The following DEPTOR variants were observed in gnomAD, a reference collection of about 807,000 sequenced individuals.
DEPTOR encodes DEP domain-containing mTOR-interacting protein.
In DEPTOR, 41 loss-of-function variants were observed where a neutral mutation model predicts 41.6. The ratio of observed to expected loss-of-function variants is 0.98; its 90% CI spans 0.77 to 1.28. The LOEUF (loss-of-function observed/expected upper bound fraction) is 1.28, where lower values mean the gene tolerates loss of function less well. Ranked by LOEUF, DEPTOR falls within the 50% of genes most tolerant of loss-of-function variation. The pLI is 0.00. For synonymous variants in DEPTOR, 195 were observed against 192.3 expected, an observed-to-expected ratio of 1.01 and a Z score of -0.12; for missense variants, 514 against 527.9, an observed-to-expected ratio of 0.97 and a Z score of 0.26.
At chr8:119,966,303 A>T (rs910117265) in intron 4 of DEPTOR, among the ~76,000 whole-genome samples, 1 of 152,066 alleles carries the variant, frequency 6.6e-6, no homozygotes, top group African/African-American at 2.4e-5. Context: ...CATCTCTACT[A>T]AAAAATACAA....
At chr8:120,022,388 G>A (rs1349820624) in intron 8 of DEPTOR, among the ~76,000 whole-genome samples, 1 of 152,094 alleles carries the variant, frequency 6.6e-6, no homozygotes, top group Non-Finnish European at 1.5e-5. Context: ...CTTTTCCAAA[G>A]CAGATACATG....
chr8:120,046,865 C>T (rs1232876711), intron 8 of DEPTOR, among the ~76,000 whole-genome samples: 7 of 152,082 alleles, frequency 4.6e-5, no homozygotes, highest in African/African-American at 1.7e-4. Context: ...GCCTGTCAGC[C>T]AGGTGTTAGG....
chr8:119,917,577 A>T (rs1827830008), intron 1 of DEPTOR, among the ~76,000 whole-genome samples: 1 of 152,228 alleles, frequency 6.6e-6, no homozygotes, highest in African/African-American at 2.4e-5. Flanking sequence ...ACCCAGGGAA[A>T]GAAAGCACTG....
chr8:119,980,094 T>G lies in DEPTOR; in HGVS notation c.604+14684T>G, dbSNP rs190113544. Among the ~76,000 whole-genome samples, 74 of 151,246 alleles carry G rather than the reference T, an allele frequency of 4.9e-4. 1 individual carries two copies. Among genetic ancestry groups the G allele is most frequent in the Admixed American group, 4.8e-3 (73 of 15,144 alleles). ...CAGCCACCAGACCAGGGCTACCCAATGAAAATATGCTAGGAGCCACCAAGA... is the reference window on the plus strand; with the variant it reads ...CAGCCACCAGACCAGGGCTACCCAAGGAAAATATGCTAGGAGCCACCAAGA... On this transcript the variant is annotated intron_variant, in intron 4 of 8. Transcript: ENST00000286234.
chr8:120,016,570 G>A (rs542752720), intron 8 of DEPTOR, among the ~76,000 whole-genome samples: 1 of 151,750 alleles, frequency 6.6e-6, no homozygotes, highest in South Asian at 2.1e-4. Flanking sequence ...CAAAGTGCTG[G>A]GATTGTAGGT....
chr8:119,880,074 A>G (rs1424611667), intron 1 of DEPTOR, among the ~76,000 whole-genome samples: 2 of 151,784 alleles, frequency 1.3e-5, no homozygotes, highest in Non-Finnish European at 2.9e-5. Flanking sequence ...CCCAGATGGC[A>G]GAGGTTGCAG....
chr8:119,901,460 A>T (rs1380948839), intron 1 of DEPTOR, among the ~76,000 whole-genome samples: 1 of 152,062 alleles, frequency 6.6e-6, no homozygotes, highest in African/African-American at 2.4e-5. Context: ...GCGGATCACG[A>T]GATCAGGAGA....
intron 3 of DEPTOR, among the ~76,000 whole-genome samples, chr8:119,961,474 G>A (rs1188763698): frequency 1.3e-5 from 2 of 151,232 alleles, no homozygotes; most frequent in Non-Finnish European, 2.9e-5. Context: ...GTGACTCACT[G>A]GGATAAACTT....
chr8:119,915,549 C>T (rs778527150), intron 1 of DEPTOR, among the ~76,000 whole-genome samples: 4 of 152,098 alleles, frequency 2.6e-5, no homozygotes, highest in African/African-American at 4.8e-5. Context: ...TCCACAGTGG[C>T]GCTCAACCAA....
chr8:119,892,393 A>G (rs1827463126), intron 1 of DEPTOR, among the ~76,000 whole-genome samples: 2 of 152,240 alleles, frequency 1.3e-5, no homozygotes, highest in South Asian at 4.1e-4. Context: ...TGACATTACA[A>G]CAGTAACTTT....
At chr8:120,037,554 A>G (rs893250616) in intron 8 of DEPTOR, among the ~76,000 whole-genome samples, 2 of 152,108 alleles carry the variant, frequency 1.3e-5, no homozygotes, top group African/African-American at 2.4e-5. Context: ...GTGGGTAATT[A>G]TACACTTAAT....
chr8:119,968,266 A>G (rs1323697228), intron 4 of DEPTOR, among the ~76,000 whole-genome samples: 1 of 152,138 alleles, frequency 6.6e-6, no homozygotes, highest in Non-Finnish European at 1.5e-5. Flanking sequence ...TGAGGTAGAT[A>G]TTCTTTTTTT....
intron 1 of DEPTOR, among the ~76,000 whole-genome samples, chr8:119,915,091 T>G (rs7004324): frequency 6.6e-6 from 1 of 151,824 alleles, no homozygotes; most frequent in African/African-American, 2.4e-5. Flanking sequence ...CTCAGCCTCC[T>G]GAATGCCTGG....
intron 3 of DEPTOR, among the ~76,000 whole-genome samples, chr8:119,957,224 T>A (rs1333064124): frequency 6.6e-6 from 1 of 152,222 alleles, no homozygotes; most frequent in African/African-American, 2.4e-5. Context: ...GATAATGATG[T>A]ATAGCAGGAG....
intron 3 of DEPTOR, among the ~76,000 whole-genome samples, chr8:119,953,962 G>A (rs1020984272): frequency 8.6e-5 from 13 of 151,510 alleles, no homozygotes; most frequent in African/African-American, 2.7e-4. Flanking sequence ...CCACCACCAC[G>A]CCCGGCTAAT....
At chr8:119,925,619 T>C (rs1827954713) in intron 1 of DEPTOR, among the ~76,000 whole-genome samples, 1 of 152,056 alleles carries the variant, frequency 6.6e-6, no homozygotes, top group African/African-American at 2.4e-5. Context: ...TGTCTATTGT[T>C]GCCTGTTTAC....
intron 1 of DEPTOR, among the ~76,000 whole-genome samples, chr8:119,925,622 C>T (rs1211501795): frequency 6.6e-6 from 1 of 151,918 alleles, no homozygotes; most frequent in African/African-American, 2.4e-5. Context: ...CTATTGTTGC[C>T]TGTTTACTTT....
At chr8:120,019,661 G>T (rs537390817) in intron 8 of DEPTOR, among the ~76,000 whole-genome samples, 1 of 152,212 alleles carries the variant, frequency 6.6e-6, no homozygotes, top group African/African-American at 2.4e-5. Flanking sequence ...AGGAAGTAAT[G>T]CTTGCAGGGC....
chr8:119,894,311 C>G (rs1037129840), intron 1 of DEPTOR, among the ~76,000 whole-genome samples: 2 of 152,104 alleles, frequency 1.3e-5, no homozygotes, highest in African/African-American at 4.8e-5. Flanking sequence ...AGCGAGCCTC[C>G]CACGTCGGCC....
Sources: gnomAD v4.1 joint callset for allele counts (sites outside exome capture counted in the v4.1 genomes callset) on GRCh38, gnomAD v4.1.1 for gene constraint, MANE v1.5 for transcripts, NCBI Gene and HGNC (gene_info 2026-07-23, HGNC 2026-07-21) for gene names.